ELP2: variants seen among roughly 807,000 people sequenced by gnomAD.
ELP2 encodes elongator complex protein 2.
ELP2 carries 90 observed loss-of-function variants against 119.2 expected under a neutral mutation model. The ratio of observed to expected loss-of-function variants is 0.75; its 90% CI spans 0.64 to 0.90. ELP2 has a LOEUF of 0.90. ELP2 is among the 40% of genes least tolerant of loss of function. ELP2 has a pLI of 0.00. For synonymous variants in ELP2, 339 were observed against 331.0 expected (o/e 1.02, Z -0.26); for missense variants, 921 against 967.8 (o/e 0.95, Z 0.64).
chr18:36,131,600 CTT>C (rs1357693343), intron 1 of ELP2, among the ~76,000 whole-genome samples: 1 of 152,238 alleles, frequency 6.6e-6, no homozygotes, highest in Admixed American at 6.5e-5. Context: ...AAGGCACACT[CTT>C]TGCCAGTCAA....
intron 19 of ELP2, among the ~76,000 whole-genome samples, chr18:36,169,455 C>T (rs574243171): frequency 1.1e-3 from 172 of 149,700 alleles, no homozygotes; most frequent in South Asian, 5.3e-3. Flanking sequence ...GGCACGATCT[C>T]GGCTCACTGC....
At chr18:36,160,040 T>G (rs1030898761) in intron 16 of ELP2, 25 bp downstream of exon 16, 1 of 1,611,134 alleles carries the variant, frequency 6.2e-7, no homozygotes, top group African/African-American at 1.3e-5. Context: ...ATTTAGCTCT[T>G]TGGTCTGATT....
intron 20 of ELP2, chr18:36,170,805 G>A: frequency 1.8e-6 from 1 of 553,526 alleles, no homozygotes; most frequent in Non-Finnish European, 3.2e-6. Flanking sequence ...CAGCCAGCTG[G>A]GGAAACACTG....
At chr18:36,135,445 C>T (rs940989555) in intron 2 of ELP2, among the ~76,000 whole-genome samples, 8 of 152,170 alleles carry the variant, frequency 5.3e-5, no homozygotes, top group Non-Finnish European at 7.3e-5. Context: ...AGCCCATGAT[C>T]ACAGTTGGCT....
chr18:36,177,678 A>G lies in ELP2; in HGVS notation c.*3037A>G, dbSNP rs2091256589. On this transcript the variant is annotated 3_prime_UTR_variant, in exon 22 of 22. Transcript: ENST00000358232. The stretch of plus-strand genomic sequence containing the variant: ...ATTTTACCACAGTTTTTTTTAAAGC[A>G]TGGTAAACACCATTTCCCAGGATGT... 6.6e-6 allele frequency: 1 copy of G among 152,148 alleles called. No homozygotes were observed. The highest frequency in any genetic ancestry group is 2.4e-5 in the African/African-American group (1 of 41,436). The allele number at this position is 152,148 out of a possible 1,614,324, so 9.4% of individuals were successfully genotyped here.
intron 21 of ELP2, among the ~76,000 whole-genome samples, chr18:36,174,004 A>G (rs189338892): frequency 7.0e-4 from 107 of 152,316 alleles, no homozygotes; most frequent in Non-Finnish European, 1.1e-3. Context: ...TGTGCAGTAC[A>G]TTAAATCTGT....
At chr18:36,169,819 C>T in intron 19 of ELP2, 1 of 543,224 alleles carries the variant, frequency 1.8e-6, no homozygotes. Context: ...TCTGTGGTCT[C>T]TGGGCAGGAA....
At chr18:36,152,214 A>G (rs1038134709) in intron 11 of ELP2, among the ~76,000 whole-genome samples, 1 of 151,770 alleles carries the variant, frequency 6.6e-6, no homozygotes, top group African/African-American at 2.4e-5. Context: ...AAAAAACAAC[A>G]AAGATCTTTG....
Position 36,145,031 on chromosome 18 carries a change from A to G in ELP2, c.889A>G (p.Lys297Glu). 2 of 1,612,786 alleles carry G rather than the reference A, an allele frequency of 1.2e-6. No homozygotes were observed. Among genetic ancestry groups the G allele is most frequent in the Non-Finnish European group, 1.7e-6 (2 of 1,178,766 alleles). ...NAVHWQPVFY[K>E]DGVLQQPVRL... The stretch of plus-strand genomic sequence containing the variant: ...AGTTCACTGGCAACCTGTGTTTTAC[A>G]AAGGTAGGAAGAAAACCATACACAT... Residue 297 changes from lysine (K) to glutamate (E), a missense_variant, in exon 9 of 22, where the codon AAA (lysine) becomes GAA (glutamate). By Grantham distance (56) the Lys-to-Glu change is moderately conservative. Transcript: ENST00000358232.
chr18:36,167,174 T>C lies in ELP2; in HGVS notation c.2028T>C (p.Asp676=), dbSNP rs537626330. 1.9e-6 allele frequency: 3 copies of C among 1,599,294 alleles called. No homozygotes were observed. The highest frequency in any genetic ancestry group is 2.7e-5 in the African/African-American group (2 of 74,920). The part of the protein sequence containing the change: ...SVHSRIIWSC[D]WSPDSKYFFT... ...ACAGTAGAATTATTTGGTCTTGTGA[T>C]TGGAGTCCTGACAGCAAGTATTTCT... Residue 676 remains aspartate, a synonymous_variant, in exon 19 of 22, where the codon GAT becomes GAC. Coordinates refer to ENST00000358232, the MANE Select transcript of ELP2 (RefSeq NM_018255.4).
At chr18:36,162,509 C>T (rs141521379) in intron 17 of ELP2, among the ~76,000 whole-genome samples, 2 of 152,206 alleles carry the variant, frequency 1.3e-5, no homozygotes, top group South Asian at 2.1e-4. Flanking sequence ...TGGGCTTTTA[C>T]TCATGGTACA....
In ELP2 at chr18:36,176,148, ATATTT is replaced by A. The variant is rs2091218124; in HGVS notation, c.*1511_*1515del. On this transcript the variant is annotated 3_prime_UTR_variant, in exon 22 of 22. Coordinates refer to ENST00000358232, the MANE Select transcript of ELP2 (RefSeq NM_018255.4). ...ATCAGTATAAAAACCTGTTACTGAA[ATATTT>A]TATAGGGCCCATCTCAGTTCAGACT... 1 of 152,226 alleles carries A rather than the reference ATATTT, an allele frequency of 6.6e-6. No homozygotes were observed. The highest frequency in any genetic ancestry group is 2.1e-4 in the South Asian group (1 of 4,832). 9.4% of individuals were successfully genotyped at this position (152,226 alleles called of 1,614,324 possible).
At position 36,164,577 on chromosome 18, in the gene ELP2, T is replaced by A. The variant is rs1481042051; in HGVS notation, c.1864T>A (p.Phe622Ile). The A allele has an allele frequency of 6.2e-7, 1 of 1,614,008 alleles. No homozygotes were observed. Among genetic ancestry groups the A allele is most frequent in the African/African-American group, 1.3e-5 (1 of 74,932 alleles). The change falls in exon 18 of 22, where the codon TTC becomes ATC. Residue 622 changes from phenylalanine to isoleucine, a missense_variant. Coordinates refer to ENST00000358232, the MANE Select transcript of ELP2 (RefSeq NM_018255.4). ...CAGTTTGACAGTCACGCAGATGGCC[T>A]TCTCACCTAATGAGAAGTTCTTACT... is the stretch of plus-strand genomic sequence containing the variant. ...FHSLTVTQMA[F>I]SPNEKFLLAV... is the part of the protein sequence containing the mutation.
In ELP2 at chr18:36,154,945, T is replaced by A. The variant is rs1407316462; in HGVS notation, c.1221T>A (p.Gly407=). The A allele has an allele frequency of 6.2e-7, 1 of 1,614,024 alleles. No homozygotes were observed. The highest frequency in any genetic ancestry group is 1.7e-5 in the Admixed American group (1 of 60,026). ...DPEGEFIITV[G]TDQTTRLFAP... ...AAGGAGAATTTATTATCACTGTTGG[T>A]ACTGATCAGACAACTAGACTTTTTG... The change falls in exon 12 of 22, where the codon GGT becomes GGA. Residue 407 remains glycine, a synonymous_variant. Transcript: ENST00000358232.
At chr18:36,146,454 A>T in intron 11 of ELP2, 73 bp downstream of exon 11, 2 of 1,529,124 alleles carry the variant, frequency 1.3e-6, no homozygotes, top group South Asian at 2.3e-5. Context: ...TATTTTGCTT[A>T]TAACACTCTA....
intron 2 of ELP2, among the ~76,000 whole-genome samples, chr18:36,135,600 G>C (rs17648838): frequency 0.019 from 2,862 of 152,146 alleles, 39 homozygotes; most frequent in Middle Eastern, 0.037. Context: ...TTTTTCTTTT[G>C]TTATCACTGA....
At chr18:36,137,620 T>C (rs1216592231) in intron 3 of ELP2, among the ~76,000 whole-genome samples, 1 of 152,042 alleles carries the variant, frequency 6.6e-6, no homozygotes, top group Non-Finnish European at 1.5e-5. Flanking sequence ...GAGGGAATAA[T>C]CTTGATGGCA....
In ELP2 at chr18:36,142,422, G is replaced by A. The variant is rs375264811; in HGVS notation, c.655+75G>A. 15 of 1,263,086 alleles carry A rather than the reference G, an allele frequency of 1.2e-5. No individual in the cohort carries two copies. In the East Asian group the frequency reaches 2.5e-4, roughly 21 times the overall value. 78.2% of individuals were successfully genotyped at this position (1,263,086 alleles called of 1,614,324 possible). On this transcript the variant is annotated intron_variant, in intron 7 of 21. Coordinates refer to ENST00000358232, the MANE Select transcript of ELP2 (RefSeq NM_018255.4). ...TACTTCCAAGAAAGCAGCCTTTTTT[G>A]TTTTAATTTTTAAGTTTTCTTTGTA...
Position 36,135,143 on chromosome 18 carries a change from T to C in ELP2, c.218-1164T>C, listed in dbSNP as rs373333826. Among the ~76,000 whole-genome samples, 5 of 152,320 alleles carry C rather than the reference T, an allele frequency of 3.3e-5. No individual in the cohort carries two copies. In the East Asian group the frequency reaches 9.6e-4, roughly 29 times the overall value. On this transcript the variant is annotated intron_variant, in intron 2 of 21. Transcript: ENST00000358232. ...GACTGACTTTCAGTATAGGAGTTTG[T>C]TATAAAATGTTAATTTAGGCTTGTA... is the stretch of plus-strand genomic sequence containing the variant.
Sources: gnomAD v4.1 joint callset for allele counts (sites outside exome capture counted in the v4.1 genomes callset) on GRCh38, gnomAD v4.1.1 for gene constraint, MANE v1.5 for transcripts, NCBI Gene and HGNC (gene_info 2026-07-23, HGNC 2026-07-21) for gene names.